The following MAP3K15 variants were observed in gnomAD, a reference collection of about 807,000 sequenced individuals.
MAP3K15 encodes the protein MAPK/ERK kinase kinase 15.
MAP3K15 carries 124 observed loss-of-function variants against 99.5 expected under a neutral mutation model. That is an observed-to-expected ratio of 1.25 (90% CI 1.08 to 1.45). MAP3K15 has a LOEUF of 1.45. MAP3K15 is among the 40% of genes most tolerant of loss of function. MAP3K15 has a pLI of 0.00. For synonymous variants in MAP3K15, 494 were observed against 439.6 expected, an observed-to-expected ratio of 1.12 and a Z score of -1.55; for missense variants, 1,242 against 1,079.7, an observed-to-expected ratio of 1.15 and a Z score of -2.11.
intron 24 of MAP3K15, among the ~76,000 whole-genome samples, chrX:19,370,126 G>A (rs2063363916): frequency 8.9e-6 from 1 of 111,759 alleles, no homozygotes; most frequent in Admixed American, 9.5e-5. Flanking sequence ...GGGAAACCAT[G>A]ATGGCGACAG....
intron 4 of MAP3K15, among the ~76,000 whole-genome samples, chrX:19,460,645 T>C (rs1668475104): frequency 8.9e-6 from 1 of 112,068 alleles, no homozygotes; most frequent in South Asian, 3.7e-4. Context: ...GAAACTGGTG[T>C]TGAGTCCCTG....
At chrX:19,412,320 T>C (rs1012787237) in intron 11 of MAP3K15, among the ~76,000 whole-genome samples, 1 of 112,550 alleles carries the variant, frequency 8.9e-6, no homozygotes, top group Middle Eastern at 4.6e-3. Context: ...AACTGTTCCA[T>C]AGCTCCTACA....
Position 19,360,639 on chromosome X carries a change from A to G in MAP3K15, c.*110T>C. 2 of 570,631 alleles carry G rather than the reference A, an allele frequency of 3.5e-6. No homozygotes were observed. Among genetic ancestry groups the G allele is most frequent in the African/African-American group, 2.3e-5 (1 of 43,729 alleles). 47.0% of individuals were successfully genotyped at this position (570,631 alleles called of 1,213,427 possible). The stretch of plus-strand genomic sequence containing the variant: ...AAGTTCTTAAACTATTAATTGAACA[A>G]TGGCATTTTTAAATATGTAAACACA... On this transcript the variant is annotated 3_prime_UTR_variant, in exon 29 of 29. Transcript: ENST00000338883.
At chrX:19,383,238 C>G (rs1254435318) in intron 18 of MAP3K15, among the ~76,000 whole-genome samples, 1 of 112,158 alleles carries the variant, frequency 8.9e-6, no homozygotes, top group Non-Finnish European at 1.9e-5. Context: ...TTTTGGTAAC[C>G]AGCAAACAGT....
At chrX:19,363,129 G>A (rs772683082) in intron 25 of MAP3K15, among the ~76,000 whole-genome samples, 1 of 111,973 alleles carries the variant, frequency 8.9e-6, no homozygotes, top group East Asian at 2.8e-4. Context: ...CTCAATGTGT[G>A]CCCCTCACCC....
Position 19,457,016 on chromosome X carries a change from A to T in MAP3K15, c.892T>A (p.Tyr298Asn). 1 of 1,185,031 alleles carries T rather than the reference A, an allele frequency of 8.4e-7. No individual in the cohort carries two copies. The change falls in exon 6 of 29, where the codon TAT becomes AAT. Residue 298 changes from tyrosine (Y) to asparagine (N), a missense_variant. Coordinates refer to ENST00000338883, the MANE Select transcript of MAP3K15 (RefSeq NM_001001671.4). ...TCCACCAGCTTCACCATCGCATCAT[A>T]GTCCTGTTGGCAAGAGGTCCCAAAG... ...LLLSYRDIQD[Y>N]DAMVKLVETL...
chrX:19,391,692 A>G lies in MAP3K15; in HGVS notation c.2431+310T>C, dbSNP rs1357541960. 2.8e-5 allele frequency among the ~76,000 whole-genome samples: 3 copies of G among 108,167 alleles called. No individual in the cohort carries two copies. In the East Asian group the frequency reaches 8.5e-4, roughly 31 times the overall value. 93.9% of individuals were successfully genotyped at this position (108,167 alleles called of 115,157 possible). On this transcript the variant is annotated intron_variant, in intron 18 of 28. Coordinates refer to ENST00000338883, the MANE Select transcript of MAP3K15 (RefSeq NM_001001671.4). ...CCCGTCTCAAAAAAAAAAAAAAAAA[A>G]AAAAGAAAGAAAAAAAGAAAAAAAA...
intron 18 of MAP3K15, among the ~76,000 whole-genome samples, chrX:19,384,209 T>C (rs986135079): frequency 5.4e-5 from 6 of 111,157 alleles, no homozygotes; most frequent in Admixed American, 1.9e-4. Context: ...CTGGAGATCA[T>C]TATATAAAGC....
At position 19,415,124 on chromosome X, in the gene MAP3K15, T is replaced by A. The variant is rs752140028; in HGVS notation, c.1573A>T (p.Asn525Tyr). 4 of 1,168,216 alleles carry A rather than the reference T, an allele frequency of 3.4e-6. No individual in the cohort carries two copies. The Admixed American group carries it at 1.0e-4, about 30-fold the overall frequency. The change falls in exon 10 of 29, where the codon AAT becomes TAT. Residue 525 changes from asparagine (N) to tyrosine (Y), a missense_variant. Physicochemically the swap from Asn to Tyr is moderately radical, Grantham distance 143. Transcript: ENST00000338883. ...TATCTTACTGGAAATCTGAGTCCAT[T>A]AGTGACTTCATTTGTTGCCTCAAAA... is the stretch of plus-strand genomic sequence containing the variant. ...IIFEATNEVT[N>Y]GLRFPVLVIE... is the part of the protein sequence containing the mutation.
chrX:19,447,744 C>T (rs943415239), intron 6 of MAP3K15, among the ~76,000 whole-genome samples: 2 of 95,776 alleles, frequency 2.1e-5, no homozygotes, highest in Non-Finnish European at 4.3e-5. Context: ...ATTAGCCGGG[C>T]GTAGTGGCGG....
chrX:19,478,599 T>C (rs780412923), intron 3 of MAP3K15, among the ~76,000 whole-genome samples: 1 of 110,297 alleles, frequency 9.1e-6, no homozygotes, highest in African/African-American at 3.3e-5. Flanking sequence ...CCAGTGTCTG[T>C]TTTTCAAAGA....
chrX:19,489,052 T>C (rs1442230196), intron 1 of MAP3K15, 85 bp from the exon 2 acceptor site: 1 of 847,429 alleles, frequency 1.2e-6, no homozygotes, highest in Non-Finnish European at 1.6e-6. Flanking sequence ...TGAGGAGCTA[T>C]AGCAATGTGT....
At chrX:19,382,244 C>CAAAAAAAAAAAAA (rs1047109372) in intron 18 of MAP3K15, among the ~76,000 whole-genome samples, 1 of 31,569 alleles carries the variant, frequency 3.2e-5, no homozygotes, top group African/African-American at 1.1e-4. Flanking sequence ...ACTCAGTCTC[C>CAAAAAAAAAAAAA]AAAAAAAAAA....
intron 3 of MAP3K15, among the ~76,000 whole-genome samples, chrX:19,471,010 A>G (rs779790580): frequency 1.8e-5 from 2 of 112,193 alleles, no homozygotes; most frequent in African/African-American, 3.2e-5. Flanking sequence ...AACAGCCAAA[A>G]TGAAAAATTC....
intron 26 of MAP3K15, 38 bp downstream of exon 26, chrX:19,362,700 C>G: frequency 1.2e-6 from 1 of 808,418 alleles, no homozygotes; most frequent in Non-Finnish European, 1.9e-6. Flanking sequence ...AGAATATTAG[C>G]TAGATGTTAA....
At chrX:19,411,091 G>T (rs926155952) in intron 11 of MAP3K15, among the ~76,000 whole-genome samples, 1 of 109,721 alleles carries the variant, frequency 9.1e-6, no homozygotes, top group African/African-American at 3.3e-5. Flanking sequence ...GGCTGAGATG[G>T]GACAATCAGT....
At chrX:19,457,117 A>G in intron 5 of MAP3K15, 98 bp from the exon 6 acceptor site, 1 of 547,838 alleles carries the variant, frequency 1.8e-6, no homozygotes, top group Non-Finnish European at 3.0e-6. Context: ...CCGCACTTAA[A>G]GACAGGCCCT....
intron 6 of MAP3K15, among the ~76,000 whole-genome samples, chrX:19,455,025 A>G (rs962566528): frequency 1.8e-5 from 2 of 111,985 alleles, no homozygotes; most frequent in African/African-American, 6.5e-5. Context: ...ACTTAAGCCT[A>G]AAGCAAAAAT....
chrX:19,491,129 G>A (rs1007553664), intron 1 of MAP3K15, among the ~76,000 whole-genome samples: 5 of 111,854 alleles, frequency 4.5e-5, no homozygotes, highest in African/African-American at 9.7e-5. Flanking sequence ...GTAGAGAGGC[G>A]CTGGGAACCT....
Sources: allele counts gnomAD v4.1 joint callset (sites outside exome capture counted in the v4.1 genomes callset), GRCh38; gene constraint gnomAD v4.1.1; transcripts MANE v1.5; gene names NCBI Gene and HGNC (gene_info 2026-07-23, HGNC 2026-07-21).